TAF1: variants seen among roughly 807,000 people sequenced by gnomAD.
TAF1 encodes the protein transcription initiation factor TFIID subunit 1.
A neutral mutation model predicts 138.5 loss-of-function variants in TAF1; 2 were observed. That is an observed-to-expected ratio of 0.01 (90% CI 0.01 to 0.05). The LOEUF (loss-of-function observed/expected upper bound fraction) is 0.05, where lower values mean the gene tolerates loss of function less well. TAF1 is among the 10% of genes least tolerant of loss of function. TAF1 has a pLI of 1.00. For missense variants in TAF1, 709 were observed against 1,478.0 expected (o/e 0.48, Z 8.53); for synonymous variants, 437 against 503.2 (o/e 0.87, Z 1.76).
chrX:71,464,339 TG>T lies in TAF1; in HGVS notation c.*295del, dbSNP rs1338399813. The T allele has an allele frequency of 2.7e-6, 1 of 374,796 alleles. No homozygotes were observed. The highest frequency in any genetic ancestry group is 5.1e-5 in the Admixed American group (1 of 19,703). The allele number at this position is 374,796 out of a possible 1,213,427, so 30.9% of individuals were successfully genotyped here. On this transcript the variant is annotated 3_prime_UTR_variant, in exon 38 of 38. Transcript: ENST00000423759. ...TTTATTTAACTCCATTTATTGCTTT[TG>T]GTATAATTTTTCCCTGGGGAAGGAG... is the stretch of plus-strand genomic sequence containing the variant.
intron 32 of TAF1, among the ~76,000 whole-genome samples, chrX:71,427,965 TGAAA>T (rs1244960401): frequency 2.7e-4 from 28 of 105,513 alleles, no homozygotes; most frequent in Admixed American, 1.2e-3. Context: ...AAAAAGCAAT[TGAAA>T]GAAAGAGATA....
intron 13 of TAF1, among the ~76,000 whole-genome samples, chrX:71,513,546 G>A: frequency 9.0e-6 from 1 of 110,552 alleles, no homozygotes; most frequent in African/African-American, 3.3e-5. Context: ...GGGAATTGAG[G>A]GTGCTGGTGA....
chrX:71,458,099 G>C, intron 34 of TAF1, 142 bp from the exon 35 acceptor site: 1 of 824,307 alleles, frequency 1.2e-6, no homozygotes, highest in East Asian at 3.4e-5. Context: ...AAACTTGTCT[G>C]TAAAGCTGTG....
intron 37 of TAF1, 183 bp downstream of exon 37, chrX:71,460,986 C>G: frequency 1.9e-6 from 1 of 526,619 alleles, no homozygotes; most frequent in Non-Finnish European, 3.1e-6. Context: ...GAGGAGCCCA[C>G]AGCCTAGTGG....
intron 36 of TAF1, among the ~76,000 whole-genome samples, chrX:71,460,191 T>C (rs2038489270): frequency 8.9e-6 from 1 of 112,151 alleles, no homozygotes; most frequent in African/African-American, 3.2e-5. Context: ...TAGTGAGCCA[T>C]GATCATACCA....
At chrX:71,388,476 A>G in intron 16 of TAF1, 98 bp downstream of exon 16, 1 of 1,090,424 alleles carries the variant, frequency 9.2e-7, no homozygotes, top group Non-Finnish European at 1.2e-6. Context: ...TAAAATAGAA[A>G]TTGATGGCTG....
chrX:71,366,523 C>CGG, intron 1 of TAF1, 29 bp downstream of exon 1: 21 of 127,729 alleles, frequency 1.6e-4, no homozygotes, highest in South Asian at 2.1e-4. Context: ...GGGTAGGGCT[C>CGG]GGGGGGTGGG....
Position 71,382,809 on chromosome X carries a change from G to C in TAF1, c.1714G>C (p.Glu572Gln), listed in dbSNP as rs1461854395. 8.3e-7 allele frequency: 1 copy of C among 1,209,036 alleles called. No individual in the cohort carries two copies. The highest frequency in any genetic ancestry group is 1.1e-6 in the Non-Finnish European group (1 of 894,938). Reference protein sequence around the residue: ...VKDPWNLSNDEYYYPKQQGLR... With the variant: ...VKDPWNLSNDQYYYPKQQGLR... Reference sequence around the variant, plus strand: ...AGATCCATGGAATCTCTCCAATGATGAGTATTATTATCCCAAGCAACAGGG... The same window carrying C: ...AGATCCATGGAATCTCTCCAATGATCAGTATTATTATCCCAAGCAACAGGG... Residue 572 changes from glutamate (E) to glutamine (Q), a missense_variant, in exon 11 of 38, where the codon GAG becomes CAG. By Grantham distance (29) the Glu-to-Gln change is conservative (BLOSUM62 2). This residue lies in a region of TAF1 where 201 missense variants were observed against 421.3 expected (regional missense o/e 0.48). Transcript: ENST00000423759.
At chrX:71,367,393 T>A in intron 1 of TAF1, 106 bp from the exon 2 acceptor site, 1 of 985,010 alleles carries the variant, frequency 1.0e-6, no homozygotes, top group Non-Finnish European at 1.4e-6. Context: ...GCACAGTCAT[T>A]TTTCATGTGG....
chrX:71,474,150 AAGAAAGAG>A (rs913839246), intron 13 of TAF1, among the ~76,000 whole-genome samples: 31 of 109,829 alleles, frequency 2.8e-4, no homozygotes, highest in Non-Finnish European at 1.9e-5. Context: ...TGAAAAAAGA[AAGAAAGAG>A]AGAGAGAGAG....
At chrX:71,398,784 T>G in intron 24 of TAF1, 47 bp downstream of exon 24, 1 of 1,135,089 alleles carries the variant, frequency 8.8e-7, no homozygotes, top group Non-Finnish European at 1.2e-6. Context: ...AAAGGAAGAA[T>G]GTATACCTTT....
intron 32 of TAF1, among the ~76,000 whole-genome samples, chrX:71,438,336 C>G (rs776073706): frequency 1.3e-4 from 14 of 111,559 alleles, no homozygotes; most frequent in Non-Finnish European, 2.4e-4. Flanking sequence ...ATTGCCTATT[C>G]TAGGTATGTC....
At chrX:71,454,889 A>C (rs2038211922) in intron 34 of TAF1, 32 bp downstream of exon 34, 2 of 1,201,788 alleles carry the variant, frequency 1.7e-6, no homozygotes, top group African/African-American at 3.5e-5. Context: ...TTCCTCATAT[A>C]GTTTTCTTAT....
At chrX:71,393,841 T>G (rs1445974373) in intron 21 of TAF1, among the ~76,000 whole-genome samples, 1 of 112,227 alleles carries the variant, frequency 8.9e-6, no homozygotes, top group Admixed American at 9.5e-5. Flanking sequence ...GTGTGCTGAT[T>G]TATTTATCAA....
rs760509342 is a variant in TAF1 at position 71,447,213 on chromosome X, A to G, written c.4754-6957A>G. Among the ~76,000 whole-genome samples, 8 of 111,113 alleles carry G rather than the reference A, an allele frequency of 7.2e-5. No individual in the cohort carries two copies. In the South Asian group the frequency reaches 1.1e-3, roughly 16 times the overall value. On this transcript the variant is annotated intron_variant, in intron 32 of 37. Coordinates refer to ENST00000423759, the MANE Select transcript of TAF1 (RefSeq NM_004606.5). ...TGGAACAAATGCATATCCTCACACC[A>G]TCCACTGTCAAGATAATAATTTATG...
downstream of TAF1, among the ~76,000 whole-genome samples, chrX:71,469,976 C>T (rs1022105575): frequency 1.8e-5 from 2 of 112,047 alleles, no homozygotes; most frequent in African/African-American, 3.2e-5. Context: ...GCTGGGATTA[C>T]AGGCGTGAGC....
At chrX:71,475,594 A>AG (rs1029306619) in intron 13 of TAF1, among the ~76,000 whole-genome samples, 1 of 108,821 alleles carries the variant, frequency 9.2e-6, no homozygotes, top group African/African-American at 3.4e-5. Flanking sequence ...CAAAAAAAAA[A>AG]AAAAAAGAAA....
chrX:71,529,594 G>A, intron 14 of TAF1: 1 of 288,716 alleles, frequency 3.5e-6, no homozygotes, highest in Non-Finnish European at 6.7e-6. Flanking sequence ...TAAAGGCATA[G>A]AATACTGAAT....
downstream of TAF1, among the ~76,000 whole-genome samples, chrX:71,470,393 T>C (rs1479608608): frequency 1.8e-5 from 2 of 110,373 alleles, no homozygotes; most frequent in Non-Finnish European, 3.8e-5. Context: ...ATTTTCTGTG[T>C]GTATATATAT....
Sources: allele counts gnomAD v4.1 joint callset (sites outside exome capture counted in the v4.1 genomes callset), GRCh38; gene constraint gnomAD v4.1.1; regional missense constraint gnomAD v4.1.1; transcripts MANE v1.5; gene names NCBI Gene and HGNC (gene_info 2026-07-23, HGNC 2026-07-21).